Variants in CHRM3 observed in about 807,000 individuals in gnomAD.
CHRM3 encodes the protein cholinergic receptor muscarinic 3.
Under a neutral mutation model 41.8 loss-of-function variants are expected in CHRM3, and 11 were observed. The ratio of observed to expected loss-of-function variants is 0.26; its 90% confidence interval spans 0.17 to 0.44. The LOEUF (loss-of-function observed/expected upper bound fraction) is 0.44. Ranked by LOEUF, CHRM3 falls within the 20% of genes least tolerant of loss-of-function variation. The pLI is 1.00. For missense variants in CHRM3, 571 were observed against 745.4 expected, an observed-to-expected ratio of 0.77 and a Z score of 2.72; for synonymous variants, 297 against 301.4, an observed-to-expected ratio of 0.99 and a Z score of 0.15.
At chr1:239,687,005 CT>C (rs1359588602) in intron 5 of CHRM3, among the ~76,000 whole-genome samples, 2 of 152,004 alleles carry the variant, frequency 1.3e-5, no homozygotes, top group Non-Finnish European at 2.9e-5. Context: ...ATGATGCTCT[CT>C]TAAGAAAAAT....
chr1:239,637,135 A>G (rs1670545328), intron 4 of CHRM3, among the ~76,000 whole-genome samples: 1 of 152,150 alleles, frequency 6.6e-6, no homozygotes, highest in South Asian at 2.1e-4. Context: ...TTATATATAC[A>G]TTTATATTAT....
At chr1:239,753,914 C>G (rs1197301795) in intron 5 of CHRM3, among the ~76,000 whole-genome samples, 1 of 152,106 alleles carries the variant, frequency 6.6e-6, no homozygotes, top group Non-Finnish European at 1.5e-5. Context: ...TTGATTCTTC[C>G]AACATCGTCA....
At chr1:239,649,155 C>A (rs1184229578) in intron 4 of CHRM3, among the ~76,000 whole-genome samples, 1 of 151,902 alleles carries the variant, frequency 6.6e-6, no homozygotes, top group Admixed American at 6.6e-5. Context: ...AATCCTAATC[C>A]CCAAGGTGGT....
intron 1 of CHRM3, among the ~76,000 whole-genome samples, chr1:239,442,209 C>A (rs1423522644): frequency 2.6e-5 from 4 of 151,878 alleles, no homozygotes; most frequent in East Asian, 1.9e-4. Context: ...TGGGTTCAAG[C>A]AATTCTTGTG....
At chr1:239,874,185 G>T (rs1271439556) in intron 6 of CHRM3, among the ~76,000 whole-genome samples, 3 of 146,362 alleles carry the variant, frequency 2.0e-5, no homozygotes, top group Non-Finnish European at 3.0e-5. Context: ...ACTATGTATG[G>T]GCTTCCTTTG....
intron 5 of CHRM3, among the ~76,000 whole-genome samples, chr1:239,791,512 C>T (rs1347543907): frequency 6.6e-6 from 1 of 152,152 alleles, no homozygotes; most frequent in African/African-American, 2.4e-5. Context: ...ATTGTGGCTA[C>T]CTCTTTAGTG....
chr1:239,710,323 A>G (rs912926983), intron 5 of CHRM3, among the ~76,000 whole-genome samples: 2 of 152,184 alleles, frequency 1.3e-5, no homozygotes, highest in Non-Finnish European at 2.9e-5. Flanking sequence ...TGGAAGATCA[A>G]TCTTGCAGTT....
At chr1:239,833,277 T>G (rs973658719) in intron 6 of CHRM3, among the ~76,000 whole-genome samples, 2 of 152,178 alleles carry the variant, frequency 1.3e-5, no homozygotes, top group East Asian at 1.9e-4. Context: ...TTTCCCCGCT[T>G]GGGATAGGAT....
At chr1:239,610,190 CAAAA>C (rs35512941) in intron 3 of CHRM3, among the ~76,000 whole-genome samples, 12 of 77,894 alleles carry the variant, frequency 1.5e-4, no homozygotes, top group South Asian at 6.6e-4. Context: ...AAGACTCTGT[CAAAA>C]AAAAAAAAAA....
chr1:239,845,062 G>C (rs1021643702), intron 6 of CHRM3, among the ~76,000 whole-genome samples: 3 of 152,144 alleles, frequency 2.0e-5, no homozygotes, highest in African/African-American at 7.2e-5. Flanking sequence ...TCACAGATGG[G>C]CTGAATGGCA....
Position 239,550,949 on chromosome 1 carries a change from C to A in CHRM3, c.-313+5200C>A, listed in dbSNP as rs373626263. On this transcript the variant is annotated intron_variant, in intron 3 of 6. Transcript: ENST00000676153. ...TTTTATTATAATAACTATTTTATTT[C>A]TTTTGATTGCTTTTGTTCAACATTC... Among the ~76,000 whole-genome samples, 4 of 151,666 alleles carry A rather than the reference C, an allele frequency of 2.6e-5. No homozygotes were observed. In the East Asian group the frequency reaches 7.7e-4, roughly 29 times the overall value.
intron 3 of CHRM3, among the ~76,000 whole-genome samples, chr1:239,610,426 T>A (rs1271975549): frequency 6.6e-6 from 1 of 152,198 alleles, no homozygotes; most frequent in African/African-American, 2.4e-5. Context: ...TAATTTCTTT[T>A]TAAACAATAC....
intron 1 of CHRM3, among the ~76,000 whole-genome samples, chr1:239,390,032 A>G (rs1658885777): frequency 6.6e-6 from 1 of 152,180 alleles, no homozygotes; most frequent in Non-Finnish European, 1.5e-5. Context: ...TATGATGACT[A>G]ATAGCATTAT....
At chr1:239,803,428 A>G (rs1440513816) in intron 5 of CHRM3, among the ~76,000 whole-genome samples, 3 of 152,234 alleles carry the variant, frequency 2.0e-5, no homozygotes, top group South Asian at 4.1e-4. Context: ...TAGCTCCACT[A>G]TCACACTCTT....
intron 6 of CHRM3, among the ~76,000 whole-genome samples, chr1:239,832,213 C>T (rs561829272): frequency 1.8e-4 from 28 of 151,862 alleles, no homozygotes; most frequent in Admixed American, 3.3e-4. Flanking sequence ...TTCATGGGTT[C>T]GTGGCCAGCC....
intron 3 of CHRM3, among the ~76,000 whole-genome samples, chr1:239,576,929 A>G (rs1435908441): frequency 6.6e-6 from 1 of 152,220 alleles, no homozygotes; most frequent in Admixed American, 6.5e-5. Context: ...TAAAGGTTAA[A>G]CACATAACAA....
At chr1:239,647,718 T>C (rs1313463998) in intron 4 of CHRM3, among the ~76,000 whole-genome samples, 1 of 152,128 alleles carries the variant, frequency 6.6e-6, no homozygotes, top group Non-Finnish European at 1.5e-5. Context: ...AAAACTGAGG[T>C]CCTCTGCTTC....
intron 3 of CHRM3, among the ~76,000 whole-genome samples, chr1:239,627,404 G>A (rs879341788): frequency 0.028 from 3,069 of 108,476 alleles, 47 homozygotes; most frequent in Non-Finnish European, 0.042. Flanking sequence ...GTCTCTGCAC[G>A]TGAGATGGGT....
chr1:239,699,393 C>T (rs1372798364), intron 5 of CHRM3, among the ~76,000 whole-genome samples: 1 of 152,072 alleles, frequency 6.6e-6, no homozygotes, highest in Non-Finnish European at 1.5e-5. Context: ...GAAGAGATAG[C>T]TATCTCTCTT....
Sources: gnomAD v4.1 joint callset for allele counts (sites outside exome capture counted in the v4.1 genomes callset) on GRCh38, gnomAD v4.1.1 for gene constraint, MANE v1.5 for transcripts, NCBI Gene and HGNC (gene_info 2026-07-23, HGNC 2026-07-21) for gene names.